The following RBM20 variants were observed in gnomAD, a reference collection of about 807,000 sequenced individuals.
RBM20 encodes the protein RNA binding motif protein 20.
A neutral mutation model predicts 110.1 loss-of-function variants in RBM20; 51 were observed. The observed-to-expected ratio is 0.46, with a 90% CI of 0.37 to 0.59. The LOEUF is 0.59. RBM20 is among the 20% of genes least tolerant of loss of function. The pLI is 0.00. For synonymous variants in RBM20, 589 were observed against 618.2 expected, an observed-to-expected ratio of 0.95 and a Z score of 0.70; for missense variants, 1,512 against 1,574.9, an observed-to-expected ratio of 0.96 and a Z score of 0.68.
intron 1 of RBM20, among the ~76,000 whole-genome samples, chr10:110,740,305 A>C (rs146057095): frequency 2.2e-3 from 341 of 152,160 alleles, no homozygotes; most frequent in African/African-American, 7.9e-3. Flanking sequence ...GTAGGTCAAA[A>C]GGACTGTGTC....
At chr10:110,824,049 A>G (rs1487260776) in intron 12 of RBM20, among the ~76,000 whole-genome samples, 1 of 152,064 alleles carries the variant, frequency 6.6e-6, no homozygotes, top group African/African-American at 2.4e-5. Context: ...TTTTAAGTGT[A>G]TGATGCAATA....
At chr10:110,666,016 A>G (rs1011333739) in intron 1 of RBM20, among the ~76,000 whole-genome samples, 17 of 148,786 alleles carry the variant, frequency 1.1e-4, no homozygotes, top group African/African-American at 3.7e-4. Context: ...AGAGAGAGAG[A>G]GGGGAAGGAA....
At chr10:110,750,551 G>A (rs1590653594) in intron 1 of RBM20, among the ~76,000 whole-genome samples, 1 of 152,276 alleles carries the variant, frequency 6.6e-6, no homozygotes, top group East Asian at 1.9e-4. Flanking sequence ...CCAAGCATGG[G>A]GAAATTGTTT....
At chr10:110,797,474 T>C (rs1844564403) in intron 5 of RBM20, 34 bp from the exon 6 acceptor site, 1 of 1,506,274 alleles carries the variant, frequency 6.6e-7, no homozygotes, top group African/African-American at 1.4e-5. Context: ...GGAACCGTCT[T>C]CTGAATACCA....
At chr10:110,790,968 G>C (rs1836673404) in intron 5 of RBM20, among the ~76,000 whole-genome samples, 1 of 152,128 alleles carries the variant, frequency 6.6e-6, no homozygotes, top group South Asian at 2.1e-4. Context: ...AGTTTCCAGG[G>C]ATGTTGAAGC....
chr10:110,809,369 T>C (rs1844736897), intron 7 of RBM20, among the ~76,000 whole-genome samples: 1 of 152,164 alleles, frequency 6.6e-6, no homozygotes, highest in Non-Finnish European at 1.5e-5. Flanking sequence ...CTTTATTTTT[T>C]GAGATATAAC....
In RBM20 at chr10:110,797,785, A is replaced by G. The variant is rs1203742343; in HGVS notation, c.1668+137A>G. 3.4e-5 allele frequency: 31 copies of G among 901,136 alleles called. No individual in the cohort carries two copies. The South Asian group carries it at 4.8e-4, about 14-fold the overall frequency. 55.8% of individuals were successfully genotyped at this position (901,136 alleles called of 1,614,324 possible). A position where few individuals can be genotyped will look rare whatever the true frequency, so the allele number is the denominator to read the frequency against. On this transcript the variant is annotated intron_variant, in intron 6 of 13. Coordinates refer to ENST00000369519, the MANE Select transcript of RBM20 (RefSeq NM_001134363.3). Reference sequence around the variant, plus strand: ...AGCTGGCCTTCTGTTGGCATGGCGTAGGTGTTTTTGCTGGTGATGTTTTTT... The same window carrying G: ...AGCTGGCCTTCTGTTGGCATGGCGTGGGTGTTTTTGCTGGTGATGTTTTTT...
chr10:110,704,838 G>A (rs2134900753), intron 1 of RBM20, among the ~76,000 whole-genome samples: 1 of 152,300 alleles, frequency 6.6e-6, no homozygotes, highest in East Asian at 1.9e-4. Context: ...CCTTGTCAAT[G>A]TTGGTGCCAC....
intron 9 of RBM20, among the ~76,000 whole-genome samples, chr10:110,816,490 A>G (rs1446147280): frequency 1.4e-5 from 2 of 145,860 alleles, no homozygotes; most frequent in African/African-American, 2.6e-5. Context: ...CAATACCCCA[A>G]CCCATTCCTC....
At chr10:110,782,003 C>A in intron 2 of RBM20, 119 bp downstream of exon 2, 1 of 1,279,550 alleles carries the variant, frequency 7.8e-7, no homozygotes, top group Non-Finnish European at 1.1e-6. Context: ...CAGAATTTTG[C>A]CATCAGTATT....
chr10:110,750,569 A>G (rs1030777812), intron 1 of RBM20, among the ~76,000 whole-genome samples: 12 of 152,230 alleles, frequency 7.9e-5, no homozygotes, highest in Non-Finnish European at 1.5e-4. Flanking sequence ...TTTTCATTGC[A>G]TTCAATTCTT....
At chr10:110,828,811 TTTTG>T (rs1845013516) in intron 12 of RBM20, among the ~76,000 whole-genome samples, 1 of 152,178 alleles carries the variant, frequency 6.6e-6, no homozygotes, top group Non-Finnish European at 1.5e-5. Flanking sequence ...CAAGGTTTTT[TTTTG>T]TTTGTTTGCT....
chr10:110,647,961 C>A (rs182561017), intron 1 of RBM20, among the ~76,000 whole-genome samples: 2 of 152,304 alleles, frequency 1.3e-5, no homozygotes, highest in Non-Finnish European at 2.9e-5. Context: ...AAACCAAACA[C>A]GTGCACCCCT....
chr10:110,787,633 C>G (rs576099394), intron 5 of RBM20, among the ~76,000 whole-genome samples: 5 of 152,344 alleles, frequency 3.3e-5, no homozygotes, highest in Admixed American at 1.3e-4. Context: ...AGTGGGCAAG[C>G]ACAAGCTATC....
intron 1 of RBM20, among the ~76,000 whole-genome samples, chr10:110,680,025 G>T (rs190318877): frequency 1.3e-5 from 2 of 152,346 alleles, no homozygotes; most frequent in East Asian, 3.9e-4. Context: ...CAGTAGGACA[G>T]CACTGTTTCT....
chr10:110,831,682 A>AC (rs1554844421), intron 13 of RBM20, among the ~76,000 whole-genome samples: 6 of 136,502 alleles, frequency 4.4e-5, no homozygotes, highest in South Asian at 2.2e-4. Flanking sequence ...AAAAAAAAAA[A>AC]AAAAAAAAAC....
chr10:110,829,059 T>G (rs948080890), intron 12 of RBM20, among the ~76,000 whole-genome samples: 3 of 152,174 alleles, frequency 2.0e-5, no homozygotes, highest in African/African-American at 7.2e-5. Flanking sequence ...ACCCCAGGGC[T>G]TCTTTCCTGG....
intron 1 of RBM20, among the ~76,000 whole-genome samples, chr10:110,753,810 C>T (rs980777428): frequency 6.6e-6 from 1 of 152,170 alleles, no homozygotes; most frequent in African/African-American, 2.4e-5. Context: ...CCCAGCATTG[C>T]GATGCTGCAT....
intron 1 of RBM20, among the ~76,000 whole-genome samples, chr10:110,760,522 T>C (rs1203550792): frequency 7.4e-6 from 1 of 135,980 alleles, no homozygotes; most frequent in African/African-American, 2.8e-5. Context: ...CTCACTGCAA[T>C]CTCTGCCTCC....
Sources: allele counts gnomAD v4.1 joint callset (sites outside exome capture counted in the v4.1 genomes callset), GRCh38; gene constraint gnomAD v4.1.1; transcripts MANE v1.5; gene names NCBI Gene and HGNC (gene_info 2026-07-23, HGNC 2026-07-21).